GRM3: variants seen among roughly 807,000 people sequenced by gnomAD.
The protein encoded by GRM3 is glutamate metabotropic receptor 3.
In GRM3, 26 loss-of-function variants were observed where a neutral mutation model predicts 70.5. The ratio of observed to expected loss-of-function variants is 0.37; its 90% confidence interval spans 0.27 to 0.51. GRM3 has a LOEUF of 0.51. Ranked by LOEUF, GRM3 falls within the 20% of genes least tolerant of loss-of-function variation. The pLI, the probability that GRM3 is intolerant of heterozygous loss-of-function variation, is 0.93. For missense variants in GRM3, 859 were observed against 1,123.8 expected, an observed-to-expected ratio of 0.76 and a Z score of 3.37; for synonymous variants, 443 against 434.9, an observed-to-expected ratio of 1.02 and a Z score of -0.23.
At chr7:86,747,188 G>A (rs1796122873) in intron 1 of GRM3, among the ~76,000 whole-genome samples, 1 of 152,054 alleles carries the variant, frequency 6.6e-6, no homozygotes, top group African/African-American at 2.4e-5. Flanking sequence ...AGCGAAGTTA[G>A]CTGACACATC....
At chr7:86,724,140 A>C (rs566444856) in intron 1 of GRM3, among the ~76,000 whole-genome samples, 17 of 152,200 alleles carry the variant, frequency 1.1e-4, no homozygotes, top group Non-Finnish European at 1.0e-4. Flanking sequence ...ATGAGCAGAC[A>C]GACACTATTG....
At chr7:86,802,833 T>A (rs545968343) in intron 3 of GRM3, among the ~76,000 whole-genome samples, 1 of 152,334 alleles carries the variant, frequency 6.6e-6, no homozygotes, top group South Asian at 2.1e-4. Context: ...AAGCTTTTCC[T>A]GTTGAATTCA....
chr7:86,676,577 A>G (rs1794313489), intron 1 of GRM3, among the ~76,000 whole-genome samples: 1 of 152,054 alleles, frequency 6.6e-6, no homozygotes, highest in South Asian at 2.1e-4. Context: ...TGACTAAAAT[A>G]TGTAAAAGTT....
At chr7:86,652,492 A>T (rs1368978664) in intron 1 of GRM3, among the ~76,000 whole-genome samples, 1 of 151,874 alleles carries the variant, frequency 6.6e-6, no homozygotes, top group Non-Finnish European at 1.5e-5. Flanking sequence ...CACCACGCCC[A>T]ACTAATTTTT....
chr7:86,710,566 T>TGGGGGGGGGGGGGGGGG (rs1171125332), intron 1 of GRM3, among the ~76,000 whole-genome samples: 1 of 8,132 alleles, frequency 1.2e-4, no homozygotes, highest in African/African-American at 5.4e-4. Flanking sequence ...GTGTGTGTGG[T>TGGGGGGGGGGGGGGGGG]GGGGGGTGGG....
intron 1 of GRM3, among the ~76,000 whole-genome samples, chr7:86,671,089 G>A (rs1430383544): frequency 1.3e-5 from 2 of 152,120 alleles, no homozygotes; most frequent in African/African-American, 4.8e-5. Context: ...GGAGTGCAAC[G>A]GCACGATCTC....
intron 1 of GRM3, among the ~76,000 whole-genome samples, chr7:86,652,145 A>C (rs1793621222): frequency 6.6e-6 from 1 of 152,206 alleles, no homozygotes; most frequent in Non-Finnish European, 1.5e-5. Context: ...GTAATTTGAA[A>C]GGAAACAAGC....
At chr7:86,671,712 C>T (rs900117976) in intron 1 of GRM3, among the ~76,000 whole-genome samples, 2 of 152,214 alleles carry the variant, frequency 1.3e-5, no homozygotes, top group Admixed American at 6.5e-5. Flanking sequence ...TGCTCATCAA[C>T]TACCTGGGCA....
At chr7:86,740,219 G>C (rs761856131) in intron 1 of GRM3, among the ~76,000 whole-genome samples, 8 of 152,252 alleles carry the variant, frequency 5.3e-5, no homozygotes, top group Admixed American at 2.0e-4. Context: ...ATTAACAAGA[G>C]AGGTAGTTAA....
chr7:86,748,195 C>A (rs528050982), intron 1 of GRM3, among the ~76,000 whole-genome samples: 1 of 152,030 alleles, frequency 6.6e-6, no homozygotes, highest in Non-Finnish European at 1.5e-5. Context: ...ATGTTTCCTA[C>A]AGCTGACCAT....
At chr7:86,798,173 C>G (rs1056156542) in intron 3 of GRM3, among the ~76,000 whole-genome samples, 1 of 152,292 alleles carries the variant, frequency 6.6e-6, no homozygotes, top group East Asian at 1.9e-4. Flanking sequence ...GATTCCCCAT[C>G]TGGGGACTGC....
intron 1 of GRM3, among the ~76,000 whole-genome samples, chr7:86,651,654 T>C (rs1056163794): frequency 6.6e-6 from 1 of 152,194 alleles, no homozygotes; most frequent in Non-Finnish European, 1.5e-5. Context: ...TCCACATATA[T>C]GGACTGGTGA....
intron 2 of GRM3, among the ~76,000 whole-genome samples, chr7:86,775,569 T>TA (rs896484061): frequency 4.6e-5 from 7 of 151,396 alleles, no homozygotes; most frequent in East Asian, 1.9e-4. Context: ...ATTTCCTTAA[T>TA]AAAAAAAAAT....
intron 1 of GRM3, among the ~76,000 whole-genome samples, chr7:86,756,602 G>A (rs556487328): frequency 6.6e-6 from 1 of 152,184 alleles, no homozygotes; most frequent in African/African-American, 2.4e-5. Flanking sequence ...TTACACATAT[G>A]TGCTGCTTTA....
At chr7:86,764,861 T>G in intron 1 of GRM3, 145 bp from the exon 2 acceptor site, 1 of 363,074 alleles carries the variant, frequency 2.8e-6, no homozygotes, top group Non-Finnish European at 4.8e-6. Flanking sequence ...AGAATACCTG[T>G]GAGAGAGTGC....
chr7:86,850,269 T>C, intron 4 of GRM3, 101 bp from the exon 5 acceptor site: 1 of 730,724 alleles, frequency 1.4e-6, no homozygotes, highest in Non-Finnish European at 2.4e-6. Context: ...AGCTGTCAAT[T>C]ATTCTGGATT....
At chr7:86,803,467 C>T (rs1797724931) in intron 3 of GRM3, among the ~76,000 whole-genome samples, 1 of 152,090 alleles carries the variant, frequency 6.6e-6, no homozygotes, top group Admixed American at 6.5e-5. Context: ...GGAAAGTATA[C>T]TTTGTTTTCT....
intron 1 of GRM3, among the ~76,000 whole-genome samples, chr7:86,760,179 G>A (rs751583082): frequency 6.6e-6 from 1 of 151,902 alleles, no homozygotes; most frequent in Non-Finnish European, 1.5e-5. Flanking sequence ...CCTTTCCCTG[G>A]ATAAACTACT....
At position 86,839,781 on chromosome 7, in the gene GRM3, T is replaced by C. The variant is rs1798526769; in HGVS notation, c.2267T>C (p.Phe756Ser). The change falls in exon 4 of 6, where the codon TTC becomes TCC. Residue 756 changes from phenylalanine (F) to serine (S), a missense_variant. Transcript: ENST00000361669. The surrounding 1 kb of genome is among the most constrained non-coding windows in gnomAD (Gnocchi z 4.5). Reference sequence around the variant, plus strand: ...GTGATCTTATGCACTGTGTACGCCTTCAAAACGCGGAAGTGCCCAGAAAAT... The same window carrying C: ...GTGATCTTATGCACTGTGTACGCCTCCAAAACGCGGAAGTGCCCAGAAAAT... ...ILVILCTVYA[F>S]KTRKCPENFN... 6.2e-7 allele frequency: 1 copy of C among 1,614,024 alleles called. No homozygotes were observed. The highest frequency in any genetic ancestry group is 8.5e-7 in the Non-Finnish European group (1 of 1,179,886).
Sources: gnomAD v4.1 joint callset for allele counts (sites outside exome capture counted in the v4.1 genomes callset) on GRCh38, gnomAD v4.1.1 for gene constraint, Gnocchi (gnomAD v3.1) non-coding constraint, MANE v1.5 for transcripts, NCBI Gene and HGNC (gene_info 2026-07-23, HGNC 2026-07-21) for gene names.